The following RAB38 variants were observed in gnomAD, a reference collection of about 807,000 sequenced individuals.
The protein encoded by RAB38 is RAB38, member RAS oncogene family.
In RAB38, 15 loss-of-function variants were observed where a neutral mutation model predicts 18.4. The ratio of observed to expected loss-of-function variants is 0.82; its 90% CI spans 0.55 to 1.26. The LOEUF is 1.26. RAB38 is among the 50% of genes most tolerant of loss of function. The probability of loss-of-function intolerance (pLI) is 0.00; values close to 1 mark genes in which losing one functional copy is unlikely to be tolerated. For missense variants in RAB38, 294 were observed against 267.4 expected (o/e 1.10, Z -0.69); for synonymous variants, 101 against 104.4 (o/e 0.97, Z 0.20).
chr11:88,056,510 A>C, the RAB38 span, among the ~76,000 whole-genome samples: 3 of 152,090 alleles, frequency 2.0e-5, no homozygotes, highest in Non-Finnish European at 4.4e-5. Context: ...TGAGGACTTA[A>C]ATTGTCATGA....
At chr11:87,866,169 TG>T in the RAB38 span, among the ~76,000 whole-genome samples, 2 of 151,534 alleles carry the variant, frequency 1.3e-5, no homozygotes, top group African/African-American at 2.4e-5. Context: ...AGGGAGAGTG[TG>T]GGGCATAGGG....
the RAB38 span, among the ~76,000 whole-genome samples, chr11:87,868,081 A>T: frequency 6.6e-6 from 1 of 151,696 alleles, no homozygotes; most frequent in South Asian, 2.1e-4. Flanking sequence ...ATTATGTTCT[A>T]TAGCTTGGAT....
the RAB38 span, among the ~76,000 whole-genome samples, chr11:88,106,724 AT>A: frequency 1.3e-5 from 2 of 152,142 alleles, no homozygotes; most frequent in Admixed American, 1.3e-4. Flanking sequence ...TCCTAAAGGC[AT>A]TTTACCCTTG....
chr11:88,119,700 T>G (rs898677842), intron 2 of RAB38, among the ~76,000 whole-genome samples: 5 of 151,570 alleles, frequency 3.3e-5, no homozygotes, highest in African/African-American at 9.7e-5. Context: ...AGCAGAAAAT[T>G]TTCACATCTG....
chr11:88,168,340 T>C (rs554666935), intron 1 of RAB38, among the ~76,000 whole-genome samples: 19 of 152,280 alleles, frequency 1.2e-4, no homozygotes, highest in African/African-American at 3.8e-4. Flanking sequence ...GCATCCCTCT[T>C]AACACCTCCT....
the RAB38 span, among the ~76,000 whole-genome samples, chr11:87,841,643 C>G: frequency 2.0e-5 from 3 of 152,132 alleles, no homozygotes; most frequent in African/African-American, 7.2e-5. Flanking sequence ...ACCAGTCCAC[C>G]CACACACCAG....
chr11:88,164,914 A>T (rs1943229804), intron 1 of RAB38, among the ~76,000 whole-genome samples: 1 of 152,044 alleles, frequency 6.6e-6, no homozygotes, highest in Non-Finnish European at 1.5e-5. Context: ...AACAAGCACT[A>T]CAGCTATTCT....
At chr11:88,123,051 T>C (rs1456669663) in intron 2 of RAB38, among the ~76,000 whole-genome samples, 1 of 152,210 alleles carries the variant, frequency 6.6e-6, no homozygotes, top group Non-Finnish European at 1.5e-5. Flanking sequence ...ACAGATGAAA[T>C]ACCTAAACAT....
the RAB38 span, among the ~76,000 whole-genome samples, chr11:88,104,859 T>C: frequency 6.6e-6 from 1 of 152,176 alleles, no homozygotes; most frequent in Non-Finnish European, 1.5e-5. Flanking sequence ...CCAAAGAGAA[T>C]AGCTCAATAT....
At chr11:87,947,912 T>C in the RAB38 span, among the ~76,000 whole-genome samples, 1 of 152,162 alleles carries the variant, frequency 6.6e-6, no homozygotes, top group Admixed American at 6.6e-5. Context: ...CTAAAGTAGT[T>C]GTTTTCCAAT....
the RAB38 span, among the ~76,000 whole-genome samples, chr11:88,056,116 G>T: frequency 1.1e-4 from 17 of 152,056 alleles, no homozygotes; most frequent in African/African-American, 1.7e-4. Flanking sequence ...CCCTGTAAAA[G>T]CTTGTTCATC....
At chr11:87,972,131 T>G in the RAB38 span, among the ~76,000 whole-genome samples, 5 of 152,062 alleles carry the variant, frequency 3.3e-5, no homozygotes, top group African/African-American at 1.2e-4. Context: ...GAGCCAGTTA[T>G]GTCTTAAGGC....
intron 1 of RAB38, among the ~76,000 whole-genome samples, chr11:88,152,195 C>T (rs1247977555): frequency 1.3e-5 from 2 of 152,138 alleles, no homozygotes; most frequent in African/African-American, 4.8e-5. Flanking sequence ...GGCCTTTAGG[C>T]TTTTAAAGGA....
chr11:88,052,557 G>A, the RAB38 span, among the ~76,000 whole-genome samples: 1 of 151,846 alleles, frequency 6.6e-6, no homozygotes, highest in African/African-American at 2.4e-5. Context: ...GCTTCCTTAG[G>A]TCTGTATTTG....
At chr11:88,060,590 A>G in the RAB38 span, among the ~76,000 whole-genome samples, 29 of 152,286 alleles carry the variant, frequency 1.9e-4, no homozygotes, top group African/African-American at 6.7e-4. Context: ...TTGGGACTGG[A>G]ACCTAGGTCT....
the RAB38 span, among the ~76,000 whole-genome samples, chr11:88,038,054 A>C: frequency 2.6e-5 from 4 of 151,976 alleles, no homozygotes; most frequent in Admixed American, 2.0e-4. Flanking sequence ...CTTTTTGCTC[A>C]TCTGTGAGTT....
intron 1 of RAB38, among the ~76,000 whole-genome samples, chr11:88,159,234 T>A (rs966176765): frequency 1.4e-5 from 2 of 139,002 alleles, no homozygotes; most frequent in East Asian, 2.1e-4. Flanking sequence ...AATAAATAAA[T>A]AAAAATAAAA....
chr11:88,100,463 C>A, the RAB38 span, among the ~76,000 whole-genome samples: 2 of 151,914 alleles, frequency 1.3e-5, no homozygotes, highest in Non-Finnish European at 2.9e-5. Context: ...TATTATAATT[C>A]ATCGTCCAAT....
At chr11:87,872,095 G>GT in the RAB38 span, among the ~76,000 whole-genome samples, 2 of 151,654 alleles carry the variant, frequency 1.3e-5, no homozygotes, top group African/African-American at 4.8e-5. Flanking sequence ...TCTACCAACA[G>GT]TATCTGAGAG....
Sources: allele counts gnomAD v4.1 joint callset (sites outside exome capture counted in the v4.1 genomes callset), GRCh38; gene constraint gnomAD v4.1.1; transcripts MANE v1.5; gene names NCBI Gene and HGNC (gene_info 2026-07-23, HGNC 2026-07-21).